Variants in MTUS2 observed in about 807,000 individuals in gnomAD.
The protein encoded by MTUS2 is microtubule-associated tumor suppressor candidate 2.
A neutral mutation model predicts 114.1 loss-of-function variants in MTUS2; 40 were observed. That is an observed-to-expected ratio of 0.35 (90% CI 0.27 to 0.46). MTUS2 has a LOEUF of 0.46. Ranked by LOEUF, MTUS2 falls within the 20% of genes least tolerant of loss-of-function variation. MTUS2 has a pLI of 1.00. For synonymous variants in MTUS2, 688 were observed against 672.0 expected, an observed-to-expected ratio of 1.02 and a Z score of -0.37; for missense variants, 1,679 against 1,705.4, an observed-to-expected ratio of 0.98 and a Z score of 0.27.
chr13:28,827,644 A>C (rs1566161169), intron 1 of MTUS2, among the ~76,000 whole-genome samples: 1 of 152,162 alleles, frequency 6.6e-6, no homozygotes, highest in East Asian at 1.9e-4. Flanking sequence ...ATTTTCCCTA[A>C]GTATTGGCCG....
chr13:28,889,271 A>T (rs1878778596), intron 2 of MTUS2, among the ~76,000 whole-genome samples: 1 of 152,164 alleles, frequency 6.6e-6, no homozygotes, highest in African/African-American at 2.4e-5. Context: ...AGTTGGAGGC[A>T]TTTCGGGTTC....
At chr13:29,303,291 G>A (rs1390643177) in intron 6 of MTUS2, among the ~76,000 whole-genome samples, 5 of 152,210 alleles carry the variant, frequency 3.3e-5, no homozygotes, top group African/African-American at 7.2e-5. Context: ...ACAGAACTGG[G>A]CTGAGGCTAA....
chr13:29,190,679 G>A (rs998700589), intron 5 of MTUS2, among the ~76,000 whole-genome samples: 7 of 45,100 alleles, frequency 1.6e-4, no homozygotes, highest in African/African-American at 9.7e-4. Context: ...GACGTACTCA[G>A]CATTTTTTCC....
At chr13:28,945,886 T>C (rs1882500018) in intron 2 of MTUS2, among the ~76,000 whole-genome samples, 1 of 152,230 alleles carries the variant, frequency 6.6e-6, no homozygotes, top group South Asian at 2.1e-4. Flanking sequence ...TCGTGATTTC[T>C]TTGCCTAAGG....
At chr13:29,265,364 T>C (rs989106525) in intron 5 of MTUS2, among the ~76,000 whole-genome samples, 7 of 152,232 alleles carry the variant, frequency 4.6e-5, no homozygotes, top group African/African-American at 1.4e-4. Flanking sequence ...TTCAACGGTC[T>C]CTAAGAAATT....
At chr13:29,356,315 C>A (rs1490911344) in intron 7 of MTUS2, among the ~76,000 whole-genome samples, 3 of 152,192 alleles carry the variant, frequency 2.0e-5, no homozygotes, top group African/African-American at 2.4e-5. Flanking sequence ...TGTCTGTGAC[C>A]ACCACCCTCC....
rs1471179356 is a variant in MTUS2, at chr13:29,260,778, C to T, written c.2645-20926C>T. On this transcript the variant is annotated intron_variant, in intron 5 of 15. Coordinates refer to ENST00000612955, the MANE Select transcript of MTUS2 (RefSeq NM_001033602.4). ...TTCAGCTAGAGCAGTGGTTCTTAAT[C>T]GGGACAGTATTCCCCTTGGAGGACA... is the stretch of plus-strand genomic sequence containing the variant. Among the ~76,000 whole-genome samples, 13 of 152,142 alleles carry T rather than the reference C, an allele frequency of 8.5e-5. 1 individual carries two copies. The highest frequency in any genetic ancestry group is 2.1e-4 in the South Asian group (1 of 4,830).
chr13:29,297,310 AT>A (rs1285451573), intron 6 of MTUS2, among the ~76,000 whole-genome samples: 1 of 152,248 alleles, frequency 6.6e-6, no homozygotes, highest in Admixed American at 6.5e-5. Flanking sequence ...TAACAAAAAT[AT>A]TTTATGAAAG....
At chr13:28,999,378 C>T (rs1268989374) in intron 2 of MTUS2, among the ~76,000 whole-genome samples, 2 of 152,192 alleles carry the variant, frequency 1.3e-5, no homozygotes, top group East Asian at 1.9e-4. Flanking sequence ...TCTCAGATCT[C>T]AAGTTAAGTT....
At position 29,255,131 on chromosome 13, in the gene MTUS2, G is replaced by T. The variant is rs150424776; in HGVS notation, c.2645-26573G>T. On this transcript the variant is annotated intron_variant, in intron 5 of 15. Coordinates refer to ENST00000612955, the MANE Select transcript of MTUS2 (RefSeq NM_001033602.4). ...AGTATCTCCCCGGTGAACATTTTCT[G>T]ACAGCAGCCCCTGTAATTGCACCCC... is the stretch of plus-strand genomic sequence containing the variant. 2.0e-5 allele frequency among the ~76,000 whole-genome samples: 3 copies of T among 152,268 alleles called. No individual in the cohort carries two copies. In the East Asian group the frequency reaches 5.8e-4, roughly 29 times the overall value.
intron 2 of MTUS2, among the ~76,000 whole-genome samples, chr13:28,888,596 A>G (rs1267400677): frequency 6.6e-6 from 1 of 151,948 alleles, no homozygotes; most frequent in Non-Finnish European, 1.5e-5. Context: ...TAATTTTTGT[A>G]TTTTTAGTAG....
chr13:29,132,732 C>T (rs1240610821), intron 5 of MTUS2, among the ~76,000 whole-genome samples: 1 of 151,998 alleles, frequency 6.6e-6, no homozygotes, highest in African/African-American at 2.4e-5. Flanking sequence ...ATGCATAGAC[C>T]ATATTTTGTT....
chr13:29,069,832 T>C (rs1388498995), intron 4 of MTUS2, among the ~76,000 whole-genome samples: 1 of 152,202 alleles, frequency 6.6e-6, no homozygotes, highest in Non-Finnish European at 1.5e-5. Context: ...TGAGGATGAA[T>C]AATTTGGATT....
chr13:29,337,772 T>TGG (rs1369058589), intron 7 of MTUS2, among the ~76,000 whole-genome samples: 2 of 98,356 alleles, frequency 2.0e-5, no homozygotes, highest in Non-Finnish European at 4.8e-5. Context: ...TGGCTAATTT[T>TGG]TTGTTTGTTT....
chr13:29,194,406 CA>C (rs1299231618), intron 5 of MTUS2, among the ~76,000 whole-genome samples: 7 of 150,218 alleles, frequency 4.7e-5, no homozygotes, highest in African/African-American at 1.7e-4. Context: ...AAGAAAAAAA[CA>C]AACAACCCCA....
At chr13:29,066,530 A>T (rs1888674895) in intron 4 of MTUS2, among the ~76,000 whole-genome samples, 1 of 152,244 alleles carries the variant, frequency 6.6e-6, no homozygotes, top group South Asian at 2.1e-4. Flanking sequence ...AGCCACAGAC[A>T]ATATGTAAAT....
chr13:29,084,781 A>AC (rs774295228), intron 4 of MTUS2, among the ~76,000 whole-genome samples: 29,873 of 91,006 alleles, frequency 0.33, 4,862 homozygotes, highest in Non-Finnish European at 0.37. Context: ...CAGGTGATCC[A>AC]CCCCCCCCCC....
At chr13:29,313,669 C>T (rs1222512774) in intron 6 of MTUS2, among the ~76,000 whole-genome samples, 1 of 151,878 alleles carries the variant, frequency 6.6e-6, no homozygotes, top group Non-Finnish European at 1.5e-5. Flanking sequence ...AGAAAATTTC[C>T]CAGAACTGCA....
intron 2 of MTUS2, among the ~76,000 whole-genome samples, chr13:28,996,753 G>T (rs1460781235): frequency 6.6e-6 from 1 of 152,072 alleles, no homozygotes; most frequent in African/African-American, 2.4e-5. Flanking sequence ...TATCCCCTTT[G>T]TCATTTTTTA....
Sources: allele counts gnomAD v4.1 joint callset (sites outside exome capture counted in the v4.1 genomes callset), GRCh38; gene constraint gnomAD v4.1.1; transcripts MANE v1.5; gene names NCBI Gene and HGNC (gene_info 2026-07-23, HGNC 2026-07-21).